Variants in FNDC3B observed in about 807,000 individuals in gnomAD.
FNDC3B encodes fibronectin type III domain containing 3B, also known as fibronectin type III domain-containing protein 3B.
A neutral mutation model predicts 151.5 loss-of-function variants in FNDC3B; 12 were observed. That is an observed-to-expected ratio of 0.08 (90% CI 0.05 to 0.13). The LOEUF is 0.13. Among genes scored for constraint, FNDC3B ranks in the 10% least tolerant of loss-of-function variants. The probability of loss-of-function intolerance (pLI) is 1.00; values close to 1 mark genes in which losing one functional copy is unlikely to be tolerated. For missense variants in FNDC3B, 1,214 were observed against 1,505.3 expected (o/e 0.81, Z 3.20); for synonymous variants, 528 against 549.0 (o/e 0.96, Z 0.54).
chr3:172,075,758 CACACACACAA>C (rs1414009361), intron 1 of FNDC3B, among the ~76,000 whole-genome samples: 1 of 118,550 alleles, frequency 8.4e-6, no homozygotes, highest in Non-Finnish European at 2.0e-5. Flanking sequence ...CACACACACA[CACACACACAA>C]ACATTTATAT....
At chr3:172,263,257 A>G (rs1728745589) in intron 6 of FNDC3B, among the ~76,000 whole-genome samples, 1 of 152,000 alleles carries the variant, frequency 6.6e-6, no homozygotes, top group Non-Finnish European at 1.5e-5. Context: ...GCTTCTCTTA[A>G]TTCACATGGT....
At chr3:172,239,853 GTTCTTTTTTTTTTTTTTT>G (rs1233025475) in intron 4 of FNDC3B, among the ~76,000 whole-genome samples, 4 of 65,876 alleles carry the variant, frequency 6.1e-5, no homozygotes, top group African/African-American at 2.3e-4. Flanking sequence ...ATCCATTTTA[GTTCTTTTTTTTTTTTTTT>G]TTTTTTTTTT....
At chr3:172,273,894 G>A (rs77193905) in intron 6 of FNDC3B, among the ~76,000 whole-genome samples, 3,804 of 152,270 alleles carry the variant, frequency 0.025, 162 homozygotes, top group African/African-American at 0.086. Flanking sequence ...TTCAGGTGGT[G>A]CCGCACAACA....
At chr3:172,351,637 T>C (rs1274800705) in intron 21 of FNDC3B, among the ~76,000 whole-genome samples, 1 of 152,202 alleles carries the variant, frequency 6.6e-6, no homozygotes, top group Admixed American at 6.5e-5. Context: ...ATTTAGACTA[T>C]TGGGCAAGGG....
At chr3:172,335,962 AG>A (rs1333843834) in intron 15 of FNDC3B, 3 of 152,198 alleles carry the variant, frequency 2.0e-5, no homozygotes, top group African/African-American at 4.8e-5. Context: ...TTTCCCCAAG[AG>A]ATGGATATAA....
intron 21 of FNDC3B, among the ~76,000 whole-genome samples, chr3:172,351,109 A>G (rs1372926405): frequency 6.6e-6 from 1 of 152,224 alleles, no homozygotes; most frequent in Non-Finnish European, 1.5e-5. Flanking sequence ...CATTCTAATC[A>G]GAGGAGTACT....
intron 9 of FNDC3B, among the ~76,000 whole-genome samples, chr3:172,299,295 C>T (rs1730784696): frequency 6.6e-6 from 1 of 152,162 alleles, no homozygotes; most frequent in Admixed American, 6.5e-5. Flanking sequence ...AAACAGTTAA[C>T]CCATGTGGCA....
intron 2 of FNDC3B, among the ~76,000 whole-genome samples, chr3:172,128,488 C>T (rs1720911690): frequency 6.6e-6 from 1 of 151,478 alleles, no homozygotes; most frequent in Admixed American, 6.6e-5. Flanking sequence ...AGACTGGGGT[C>T]TCAAAGGTGT....
At chr3:172,367,101 CT>C (rs1418273034) in intron 23 of FNDC3B, among the ~76,000 whole-genome samples, 2 of 152,192 alleles carry the variant, frequency 1.3e-5, no homozygotes, top group East Asian at 1.9e-4. Flanking sequence ...TTCTACCCCC[CT>C]GGGATAGGAC....
intron 1 of FNDC3B, among the ~76,000 whole-genome samples, chr3:172,089,235 T>C (rs901690403): frequency 6.6e-6 from 1 of 152,220 alleles, no homozygotes; most frequent in Non-Finnish European, 1.5e-5. Context: ...CTAATTCTTG[T>C]TTCCAAATTA....
intron 1 of FNDC3B, among the ~76,000 whole-genome samples, chr3:172,085,147 C>CTTA (rs1381085841): frequency 6.6e-6 from 1 of 152,114 alleles, no homozygotes; most frequent in African/African-American, 2.4e-5. Context: ...GATGATACTG[C>CTTA]TTACCTCATT....
chr3:172,297,958 T>C (rs766754564), intron 8 of FNDC3B, among the ~76,000 whole-genome samples: 13 of 152,354 alleles, frequency 8.5e-5, no homozygotes, highest in South Asian at 8.3e-4. Flanking sequence ...ATGCCTGTTA[T>C]ATTTTGAAAA....
chr3:172,138,202 G>A (rs1484443568), intron 3 of FNDC3B, among the ~76,000 whole-genome samples: 1 of 152,208 alleles, frequency 6.6e-6, no homozygotes, highest in Non-Finnish European at 1.5e-5. Flanking sequence ...AGCAGGTAGA[G>A]GTAGCACTAC....
chr3:172,077,714 T>A (rs2108494742), intron 1 of FNDC3B, among the ~76,000 whole-genome samples: 1 of 151,232 alleles, frequency 6.6e-6, no homozygotes. Context: ...TATAGAAATA[T>A]TTGACTTTTT....
chr3:172,254,979 C>T (rs181863943), intron 6 of FNDC3B, among the ~76,000 whole-genome samples: 3 of 152,310 alleles, frequency 2.0e-5, no homozygotes, highest in African/African-American at 7.2e-5. Flanking sequence ...GTTCTTAACA[C>T]TTTAATATAA....
intron 2 of FNDC3B, among the ~76,000 whole-genome samples, chr3:172,113,828 C>T (rs757489263): frequency 4.6e-5 from 7 of 152,138 alleles, no homozygotes; most frequent in Non-Finnish European, 8.8e-5. Flanking sequence ...CCTTCCTTAC[C>T]GCCCACTTTA....
chr3:172,184,528 A>C (rs1404854287), intron 3 of FNDC3B: 6 of 152,268 alleles, frequency 3.9e-5, no homozygotes, highest in Non-Finnish European at 8.8e-5. Context: ...TCCTAAAAAC[A>C]GACAAAAACC....
intron 25 of FNDC3B, among the ~76,000 whole-genome samples, chr3:172,384,162 G>C (rs897918061): frequency 6.6e-6 from 1 of 152,120 alleles, no homozygotes; most frequent in Non-Finnish European, 1.5e-5. Flanking sequence ...ACATTTTGCT[G>C]TACTTTGTTA....
chr3:172,084,472 T>TACACACACACACACACACAC (rs138156277), intron 1 of FNDC3B, among the ~76,000 whole-genome samples: 11,678 of 143,294 alleles, frequency 0.081, 695 homozygotes, highest in African/African-American at 0.14. Context: ...TGTATATGTA[T>TACACACACACACACACACAC]ACACACACAC....
Sources: allele counts gnomAD v4.1 joint callset (sites outside exome capture counted in the v4.1 genomes callset), GRCh38; gene constraint gnomAD v4.1.1; transcripts MANE v1.5; gene names NCBI Gene and HGNC (gene_info 2026-07-23, HGNC 2026-07-21).